The following PTPN3 variants were observed in gnomAD, a reference collection of about 807,000 sequenced individuals.
PTPN3 encodes the protein tyrosine-protein phosphatase non-receptor type 3.
A neutral mutation model predicts 132.7 loss-of-function variants in PTPN3; 96 were observed. That is an observed-to-expected ratio of 0.72 (90% confidence interval 0.61 to 0.86). The LOEUF (loss-of-function observed/expected upper bound fraction) is 0.86, where lower values mean the gene tolerates loss of function less well. Among genes scored for constraint, PTPN3 ranks in the 40% least tolerant of loss-of-function variants. The pLI is 0.00. For synonymous variants in PTPN3, 398 were observed against 429.0 expected, an observed-to-expected ratio of 0.93 and a Z score of 0.89; for missense variants, 1,125 against 1,159.6, an observed-to-expected ratio of 0.97 and a Z score of 0.43.
intron 2 of PTPN3, among the ~76,000 whole-genome samples, chr9:109,460,380 C>A (rs1845785122): frequency 6.6e-6 from 1 of 152,156 alleles, no homozygotes; most frequent in South Asian, 2.1e-4. Context: ...CTTTCAGCCC[C>A]TTCCCTCCTA....
chr9:109,409,794 T>C (rs148151461), intron 16 of PTPN3, among the ~76,000 whole-genome samples: 1 of 151,812 alleles, frequency 6.6e-6, no homozygotes, highest in African/African-American at 2.4e-5. Context: ...GTTTGGGCGA[T>C]AAAGTGAGTT....
chr9:109,494,480 C>A (rs912545717), intron 1 of PTPN3, among the ~76,000 whole-genome samples: 1 of 152,186 alleles, frequency 6.6e-6, no homozygotes, highest in African/African-American at 2.4e-5. Context: ...AGAATCACCA[C>A]GCCTATGATC....
intron 1 of PTPN3, among the ~76,000 whole-genome samples, chr9:109,492,364 A>T (rs575765659): frequency 6.6e-6 from 1 of 152,254 alleles, no homozygotes; most frequent in East Asian, 1.9e-4. Flanking sequence ...ACAGTCCTGG[A>T]TGCTCCCTCT....
At chr9:109,403,519 ACT>A (rs1197787044) in intron 19 of PTPN3, among the ~76,000 whole-genome samples, 1 of 151,918 alleles carries the variant, frequency 6.6e-6, no homozygotes, top group Non-Finnish European at 1.5e-5. Context: ...TACAGGAATT[ACT>A]CTGTTTTCTT....
chr9:109,459,736 G>A (rs1327255455), intron 2 of PTPN3, among the ~76,000 whole-genome samples: 1 of 152,032 alleles, frequency 6.6e-6, no homozygotes, highest in Non-Finnish European at 1.5e-5. Flanking sequence ...TTGATATGAT[G>A]CTCACTCGGG....
chr9:109,402,953 C>T (rs1841269309), intron 19 of PTPN3, among the ~76,000 whole-genome samples: 1 of 152,108 alleles, frequency 6.6e-6, no homozygotes, highest in Non-Finnish European at 1.5e-5. Flanking sequence ...TGGTGCATGC[C>T]TGTAGTCCCA....
intron 5 of PTPN3, among the ~76,000 whole-genome samples, chr9:109,453,655 G>A (rs1271329670): frequency 1.3e-5 from 2 of 152,142 alleles, no homozygotes; most frequent in Non-Finnish European, 2.9e-5. Context: ...TCACTGAGAA[G>A]ACAAGCTGAA....
the PTPN3 span, among the ~76,000 whole-genome samples, chr9:109,520,763 C>CAATGT: frequency 6.6e-6 from 1 of 152,220 alleles, no homozygotes; most frequent in South Asian, 2.1e-4. Context: ...CAAAGTGCGT[C>CAATGT]CACAGAAGGC....
the PTPN3 span, among the ~76,000 whole-genome samples, chr9:109,514,741 G>A: frequency 1.3e-5 from 2 of 152,182 alleles, no homozygotes; most frequent in African/African-American, 2.4e-5. Context: ...TTCCACTGGA[G>A]GTAGATGGAC....
At position 109,395,834 on chromosome 9, in the gene PTPN3, A is replaced by G. The variant is rs573230166; in HGVS notation, c.1954-4273T>C. On this transcript the variant is annotated intron_variant, in intron 19 of 25. Transcript: ENST00000374541. ...TCTCTCTCTCTCTATATATATGTAT[A>G]TATTTTTTTTCAAGTTCCTATTTTT... Among the ~76,000 whole-genome samples the G allele has an allele frequency of 3.7e-5, 5 of 136,760 alleles. No homozygotes were observed. In the South Asian group the frequency reaches 1.2e-3, roughly 33 times the overall value. 89.7% of individuals were successfully genotyped at this position (136,760 alleles called of 152,430 possible). A position where few individuals can be genotyped will look rare whatever the true frequency, so the allele number is the denominator to read the frequency against.
At chr9:109,520,146 G>C in the PTPN3 span, among the ~76,000 whole-genome samples, 1 of 138,244 alleles carries the variant, frequency 7.2e-6, no homozygotes, top group Non-Finnish European at 1.5e-5. Flanking sequence ...GTGATACAGC[G>C]AGAGTCTGTC....
intron 1 of PTPN3, among the ~76,000 whole-genome samples, chr9:109,466,504 A>C (rs953655651): frequency 1.3e-5 from 2 of 152,194 alleles, no homozygotes; most frequent in African/African-American, 4.8e-5. Flanking sequence ...AAAAGAAAGA[A>C]GGAATGCAGA....
chr9:109,445,584 G>A (rs1336315780), intron 6 of PTPN3, among the ~76,000 whole-genome samples: 1 of 151,976 alleles, frequency 6.6e-6, no homozygotes, highest in African/African-American at 2.4e-5. Context: ...GAAGGGTCAG[G>A]CTCTTATCTC....
chr9:109,426,294 A>C (rs1843276524), intron 12 of PTPN3, among the ~76,000 whole-genome samples: 1 of 148,648 alleles, frequency 6.7e-6, no homozygotes, highest in Admixed American at 6.7e-5. Flanking sequence ...TTTATATATT[A>C]TATATATTTA....
At chr9:109,428,886 C>A (rs572493434) in intron 10 of PTPN3, 1 of 985,272 alleles carries the variant, frequency 1.0e-6, no homozygotes, top group Non-Finnish European at 1.2e-6. Context: ...CTGAGCACTG[C>A]GTAAGGGCCA....
chr9:109,417,607 C>A (rs1054087932), intron 14 of PTPN3: 14 of 984,904 alleles, frequency 1.4e-5, no homozygotes, highest in Non-Finnish European at 1.7e-5. Flanking sequence ...ATGGGGGTTC[C>A]CAGACCCTCA....
intron 14 of PTPN3, among the ~76,000 whole-genome samples, chr9:109,419,811 G>A (rs961078549): frequency 2.0e-5 from 3 of 152,036 alleles, no homozygotes; most frequent in African/African-American, 7.3e-5. Context: ...CATCTTTCAG[G>A]ACAGACATTT....
At chr9:109,510,576 A>AAAAAT in the PTPN3 span, among the ~76,000 whole-genome samples, 1 of 47,338 alleles carries the variant, frequency 2.1e-5, no homozygotes, top group Non-Finnish European at 4.1e-5. Context: ...AAAAAAAAAA[A>AAAAAT]ATATATATAT....
the PTPN3 span, among the ~76,000 whole-genome samples, chr9:109,507,198 A>T: frequency 6.6e-6 from 1 of 152,234 alleles, no homozygotes; most frequent in Non-Finnish European, 1.5e-5. Context: ...TTGGATAAGG[A>T]TAAAAGAAAA....
Sources: gnomAD v4.1 joint callset for allele counts (sites outside exome capture counted in the v4.1 genomes callset) on GRCh38, gnomAD v4.1.1 for gene constraint, MANE v1.5 for transcripts, NCBI Gene and HGNC (gene_info 2026-07-23, HGNC 2026-07-21) for gene names.